The following UBE2R2 variants were observed in gnomAD, a reference collection of about 807,000 sequenced individuals.
The protein encoded by UBE2R2 is ubiquitin-conjugating enzyme E2 R2.
In UBE2R2, 1 loss-of-function variant was observed where a neutral mutation model predicts 27.8. The ratio of observed to expected loss-of-function variants is 0.04; its 90% CI spans 0.01 to 0.17. The LOEUF is 0.17. UBE2R2 is among the 10% of genes least tolerant of loss of function. UBE2R2 has a pLI of 1.00. For synonymous variants in UBE2R2, 106 were observed against 113.3 expected (o/e 0.94, Z 0.41); for missense variants, 100 against 291.0 (o/e 0.34, Z 4.78).
intron 1 of UBE2R2, among the ~76,000 whole-genome samples, chr9:33,859,526 C>A (rs1821176851): frequency 1.3e-5 from 2 of 152,224 alleles, no homozygotes; most frequent in South Asian, 4.1e-4. Context: ...GGGATGGACT[C>A]TGAGATACTA....
chr9:33,824,656 T>G (rs1820265075), intron 1 of UBE2R2, among the ~76,000 whole-genome samples: 1 of 142,064 alleles, frequency 7.0e-6, no homozygotes, highest in Non-Finnish European at 1.5e-5. Flanking sequence ...AAAAAAAAAT[T>G]AGCGGGTGTG....
At chr9:33,877,751 C>T (rs1821636474) in intron 1 of UBE2R2, among the ~76,000 whole-genome samples, 1 of 151,774 alleles carries the variant, frequency 6.6e-6, no homozygotes, top group Non-Finnish European at 1.5e-5. Flanking sequence ...AGAGGTAAAA[C>T]AGTGAAAATT....
Position 33,919,930 on chromosome 9 carries a change from C to A in UBE2R2, c.*2693C>A, listed in dbSNP as rs1182193742. On this transcript the variant is annotated 3_prime_UTR_variant, in exon 5 of 5. Transcript: ENST00000263228. ...GAAGTATATGATTCTGCTGTTGATT[C>A]TTTCAGTCTTCCCCCCTTCTCCTTT... The A allele has an allele frequency of 6.6e-6, 1 of 152,168 alleles. No homozygotes were observed. Among genetic ancestry groups the A allele is most frequent in the East Asian group, 1.9e-4 (1 of 5,200 alleles). The allele number at this position is 152,168 out of a possible 1,614,324, so 9.4% of individuals were successfully genotyped here. A position where few individuals can be genotyped will look rare whatever the true frequency, so the allele number is the denominator to read the frequency against.
chr9:33,916,034 T>C (rs1027649255), intron 4 of UBE2R2, among the ~76,000 whole-genome samples: 1 of 152,052 alleles, frequency 6.6e-6, no homozygotes, highest in Admixed American at 6.6e-5. Context: ...GTTGAAGGGC[T>C]GGAGAAAATA....
At chr9:33,839,424 G>A (rs1021701864) in intron 1 of UBE2R2, among the ~76,000 whole-genome samples, 3 of 152,216 alleles carry the variant, frequency 2.0e-5, no homozygotes, top group Admixed American at 6.5e-5. Context: ...TTTTAGTAGA[G>A]ACGGAGTTTC....
At chr9:33,916,100 T>C (rs942492475) in intron 4 of UBE2R2, among the ~76,000 whole-genome samples, 5 of 152,174 alleles carry the variant, frequency 3.3e-5, no homozygotes, top group Non-Finnish European at 7.4e-5. Context: ...CCCAACACTT[T>C]GGGAAGCCGA....
At chr9:33,834,090 G>A (rs1172684997) in intron 1 of UBE2R2, among the ~76,000 whole-genome samples, 1 of 151,978 alleles carries the variant, frequency 6.6e-6, no homozygotes, top group Non-Finnish European at 1.5e-5. Context: ...TCTTTTGGAT[G>A]CTGTAAATGT....
chr9:33,886,653 T>TTA (rs748223687), intron 1 of UBE2R2, among the ~76,000 whole-genome samples: 3 of 118,708 alleles, frequency 2.5e-5, no homozygotes, highest in African/African-American at 1.0e-4. Flanking sequence ...GACTCCGTCT[T>TTA]AAAAAAAAAA....
At chr9:33,882,720 A>G (rs777776705) in intron 1 of UBE2R2, among the ~76,000 whole-genome samples, 3 of 152,216 alleles carry the variant, frequency 2.0e-5, no homozygotes, top group South Asian at 4.1e-4. Flanking sequence ...TATATAGTTT[A>G]GTGGTTTCTA....
Position 33,919,758 on chromosome 9 carries a change from A to G in UBE2R2, c.*2521A>G, listed in dbSNP as rs1038701053. ...TCCCCCTTCTGGGAGTGGAGGTCTCAGGCTCAATCCGGAACCATGTACGTA... is the reference window on the plus strand; with the variant it reads ...TCCCCCTTCTGGGAGTGGAGGTCTCGGGCTCAATCCGGAACCATGTACGTA... On this transcript the variant is annotated 3_prime_UTR_variant, in exon 5 of 5. Coordinates refer to ENST00000263228, the MANE Select transcript of UBE2R2 (RefSeq NM_017811.4). 3 of 152,094 alleles carry G rather than the reference A, an allele frequency of 2.0e-5. No individual in the cohort carries two copies. The highest frequency in any genetic ancestry group is 7.2e-5 in the African/African-American group (3 of 41,418). The allele number at this position is 152,094 out of a possible 1,614,324, so 9.4% of individuals were successfully genotyped here.
At chr9:33,877,328 C>T (rs557222097) in intron 1 of UBE2R2, among the ~76,000 whole-genome samples, 1 of 151,708 alleles carries the variant, frequency 6.6e-6, no homozygotes, top group African/African-American at 2.4e-5. Flanking sequence ...ACTACTGGTG[C>T]CCGGCACCCA....
intron 1 of UBE2R2, chr9:33,818,608 G>C (rs1825893640): frequency 6.7e-6 from 1 of 150,030 alleles, no homozygotes; most frequent in African/African-American, 2.5e-5. Flanking sequence ...CCCTCTTTCC[G>C]TTCACATTCT....
At position 33,917,350 on chromosome 9, in the gene UBE2R2, A is replaced by C. The variant is rs1177867247; in HGVS notation, c.*113A>C. 1.3e-6 allele frequency: 2 copies of C among 1,495,994 alleles called. No individual in the cohort carries two copies. Among genetic ancestry groups the C allele is most frequent in the Non-Finnish European group, 1.8e-6 (2 of 1,114,168 alleles). The allele number at this position is 1,495,994 out of a possible 1,614,324, so 92.7% of individuals were successfully genotyped here. A position where few individuals can be genotyped will look rare whatever the true frequency, so the allele number is the denominator to read the frequency against. ...AAAACCTATTCACAGCGGGTGGGGAAACACACACAGCTCCTGCTGACTCCC... is the reference window on the plus strand; with the variant it reads ...AAAACCTATTCACAGCGGGTGGGGACACACACACAGCTCCTGCTGACTCCC... On this transcript the variant is annotated 3_prime_UTR_variant, in exon 5 of 5. Transcript: ENST00000263228.
chr9:33,830,978 G>A (rs934963096), intron 1 of UBE2R2: 31 of 151,172 alleles, frequency 2.1e-4, no homozygotes, highest in African/African-American at 6.8e-4. Flanking sequence ...GAGTAGAGTA[G>A]GCTGGTCCGA....
intron 1 of UBE2R2, among the ~76,000 whole-genome samples, chr9:33,868,123 A>G (rs1159037479): frequency 6.6e-6 from 1 of 152,172 alleles, no homozygotes; most frequent in Non-Finnish European, 1.5e-5. Context: ...CTTTCCCTGA[A>G]GCTGGGCTGT....
At chr9:33,826,041 G>A (rs1272105171) in intron 1 of UBE2R2, among the ~76,000 whole-genome samples, 1 of 152,024 alleles carries the variant, frequency 6.6e-6, no homozygotes, top group Non-Finnish European at 1.5e-5. Context: ...TACTTGGGAG[G>A]CTGAGGCAGG....
intron 1 of UBE2R2, among the ~76,000 whole-genome samples, chr9:33,848,167 T>C (rs965278139): frequency 6.6e-6 from 1 of 152,240 alleles, no homozygotes; most frequent in African/African-American, 2.4e-5. Context: ...TCCAGTATTC[T>C]GTTAAAATTC....
At position 33,919,089 on chromosome 9, in the gene UBE2R2, G is replaced by A. The variant is rs1005573696; in HGVS notation, c.*1852G>A. 1 of 152,484 alleles carries A rather than the reference G, an allele frequency of 6.6e-6. No homozygotes were observed. Among genetic ancestry groups the A allele is most frequent in the Non-Finnish European group, 1.5e-5 (1 of 68,066 alleles). 9.4% of individuals were successfully genotyped at this position (152,484 alleles called of 1,614,324 possible). ...AATCTGTGATCTCCACAGGGCCAGG[G>A]TTGCTACTTGCACCCAGAATCTAGT... On this transcript the variant is annotated 3_prime_UTR_variant, in exon 5 of 5. Transcript: ENST00000263228.
At chr9:33,846,997 T>C (rs1216003231) in intron 1 of UBE2R2, among the ~76,000 whole-genome samples, 1 of 60,658 alleles carries the variant, frequency 1.6e-5, no homozygotes. Flanking sequence ...TTTATTTTGC[T>C]TTTTTTTTTT....
Sources: gnomAD v4.1 joint callset for allele counts (sites outside exome capture counted in the v4.1 genomes callset) on GRCh38, gnomAD v4.1.1 for gene constraint, MANE v1.5 for transcripts, NCBI Gene and HGNC (gene_info 2026-07-23, HGNC 2026-07-21) for gene names.